Variants in CNTN4 observed in about 807,000 individuals in gnomAD.
CNTN4 encodes the protein contactin 4, also known as contactin-4.
CNTN4 carries 77 observed loss-of-function variants against 122.5 expected under a neutral mutation model. The observed-to-expected ratio is 0.63, with a 90% CI of 0.52 to 0.76. The LOEUF is 0.76. Ranked by LOEUF, CNTN4 falls within the 30% of genes least tolerant of loss-of-function variation. The pLI, the probability that CNTN4 is intolerant of heterozygous loss-of-function variation, is 0.00. For synonymous variants in CNTN4, 512 were observed against 447.0 expected, an observed-to-expected ratio of 1.15 and a Z score of -1.83; for missense variants, 1,256 against 1,259.1, an observed-to-expected ratio of 1.00 and a Z score of 0.04.
chr3:2,438,035 T>A (rs531654434), intron 3 of CNTN4, among the ~76,000 whole-genome samples: 1 of 152,170 alleles, frequency 6.6e-6, no homozygotes, highest in African/African-American at 2.4e-5. Flanking sequence ...CCAGCCAGAG[T>A]GGTTTTGCCT....
At chr3:2,463,023 T>G (rs531738619) in intron 3 of CNTN4, among the ~76,000 whole-genome samples, 2 of 151,932 alleles carry the variant, frequency 1.3e-5, no homozygotes, top group Non-Finnish European at 2.9e-5. Flanking sequence ...CTTACCATAT[T>G]TGAGAACCAT....
At chr3:2,355,002 G>T (rs1249755122) in intron 3 of CNTN4, among the ~76,000 whole-genome samples, 4 of 152,216 alleles carry the variant, frequency 2.6e-5, no homozygotes, top group Non-Finnish European at 1.5e-5. Context: ...TAGCCTCCCA[G>T]TGGATAAGCC....
intron 13 of CNTN4, among the ~76,000 whole-genome samples, chr3:2,940,723 A>C (rs1348205089): frequency 8.9e-6 from 1 of 112,180 alleles, no homozygotes; most frequent in Non-Finnish European, 1.9e-5. Context: ...GTAAAGTCTC[A>C]GAGAAGTTAA....
intron 3 of CNTN4, 144 bp downstream of exon 3, chr3:2,339,377 A>AT (rs1479854210): frequency 6.6e-6 from 1 of 152,154 alleles, no homozygotes; most frequent in African/African-American, 2.4e-5. Context: ...GTTGAAATTA[A>AT]TGAAAGTAGT....
In CNTN4 at chr3:2,698,592, G is replaced by A. The variant is rs111382713; in HGVS notation, c.56-37623G>A. ...CTTTGCCAGTCAGATGTCTACATAT[G>A]TTTCTAAGTCCGTACAGCTAGAAAG... On this transcript the variant is annotated intron_variant, in intron 4 of 24. Transcript: ENST00000418658. Among the ~76,000 whole-genome samples the A allele has an allele frequency of 1.2e-3, 189 of 152,264 alleles. 1 individual carries two copies. The highest frequency in any genetic ancestry group is 4.2e-3 in the African/African-American group (176 of 41,556).
rs768353365 is a variant in CNTN4 at position 3,056,260 on chromosome 3, A to T, written c.*40A>T. 3 of 1,431,394 alleles carry T rather than the reference A, an allele frequency of 2.1e-6. No homozygotes were observed. The South Asian group carries it at 3.4e-5, about 16-fold the overall frequency. 88.7% of individuals were successfully genotyped at this position (1,431,394 alleles called of 1,614,324 possible). A position where few individuals can be genotyped will look rare whatever the true frequency, so the allele number is the denominator to read the frequency against. On this transcript the variant is annotated 3_prime_UTR_variant, in exon 25 of 25. Coordinates refer to ENST00000418658, the MANE Select transcript of CNTN4 (RefSeq NM_175607.3). ...AGGACTTGCTGTTTATAATATAAGC[A>T]ACATTTAGCTAGTTGTTTTGAAGAC...
At chr3:3,018,866 G>A (rs1020683492) in intron 14 of CNTN4, among the ~76,000 whole-genome samples, 1 of 152,096 alleles carries the variant, frequency 6.6e-6, no homozygotes. Context: ...AGGAAAAAAA[G>A]TATAATGTGA....
chr3:2,938,774 T>C (rs142969203), intron 13 of CNTN4, among the ~76,000 whole-genome samples: 1 of 152,314 alleles, frequency 6.6e-6, no homozygotes, highest in African/African-American at 2.4e-5. Context: ...GTTAGAACCA[T>C]GTAAACCCTT....
chr3:2,602,416 T>A (rs1323512344), intron 4 of CNTN4, among the ~76,000 whole-genome samples: 1 of 152,168 alleles, frequency 6.6e-6, no homozygotes, highest in African/African-American at 2.4e-5. Context: ...AACATGAATG[T>A]GCAAAAATCA....
intron 13 of CNTN4, among the ~76,000 whole-genome samples, chr3:2,953,806 G>C (rs551878366): frequency 2.0e-5 from 3 of 152,120 alleles, no homozygotes; most frequent in Non-Finnish European, 2.9e-5. Context: ...TGGATGACAC[G>C]TGTTCTCTGA....
At chr3:2,132,209 A>T (rs2034483729) in intron 2 of CNTN4, among the ~76,000 whole-genome samples, 1 of 152,140 alleles carries the variant, frequency 6.6e-6, no homozygotes, top group South Asian at 2.1e-4. Context: ...CTGCTATTCT[A>T]GCTCTCCCAG....
At chr3:2,560,298 A>T (rs552563157) in intron 3 of CNTN4, among the ~76,000 whole-genome samples, 3 of 151,544 alleles carry the variant, frequency 2.0e-5, no homozygotes, top group Non-Finnish European at 4.4e-5. Context: ...GCACCATCAC[A>T]CCCAGCTAAC....
chr3:2,299,880 C>G lies in CNTN4; in HGVS notation c.-144-39298C>G, dbSNP rs181707078. Among the ~76,000 whole-genome samples, 76 of 152,184 alleles carry G rather than the reference C, an allele frequency of 5.0e-4. 2 individuals are homozygous for G. The East Asian group carries it at 0.013, about 25-fold the overall frequency. ...AGTAAATATGTTTATAAATTTTACT[C>G]AAGTTTAAATATAAATAGCGTTTAC... On this transcript the variant is annotated intron_variant, in intron 2 of 24. Coordinates refer to ENST00000418658, the MANE Select transcript of CNTN4 (RefSeq NM_175607.3).
intron 4 of CNTN4, among the ~76,000 whole-genome samples, chr3:2,635,655 G>A (rs1004288727): frequency 6.6e-6 from 1 of 152,170 alleles, no homozygotes; most frequent in African/African-American, 2.4e-5. Context: ...ATTGCCTATT[G>A]TGGCTTTTTC....
At chr3:2,986,112 G>T (rs2125261250) in intron 13 of CNTN4, among the ~76,000 whole-genome samples, 1 of 151,838 alleles carries the variant, frequency 6.6e-6, no homozygotes, top group South Asian at 2.1e-4. Context: ...ACAGGGTTTT[G>T]CCATGTTGCC....
chr3:2,857,886 A>T (rs1323814447), intron 7 of CNTN4, among the ~76,000 whole-genome samples: 1 of 152,162 alleles, frequency 6.6e-6, no homozygotes, highest in Non-Finnish European at 1.5e-5. Context: ...CCATCAAAAT[A>T]CTCATATTAG....
At chr3:2,229,530 A>G (rs73101925) in intron 2 of CNTN4, among the ~76,000 whole-genome samples, 11,798 of 152,266 alleles carry the variant, frequency 0.077, 795 homozygotes, top group African/African-American at 0.18. Context: ...GAATATTCAT[A>G]TAGTTACGTA....
At chr3:2,968,371 GT>G (rs1249319823) in intron 13 of CNTN4, among the ~76,000 whole-genome samples, 2 of 152,148 alleles carry the variant, frequency 1.3e-5, no homozygotes, top group Non-Finnish European at 2.9e-5. Flanking sequence ...TGTATATAGG[GT>G]ATAGTCCATC....
rs10530575 is a variant in CNTN4, at chr3:2,708,727, TCACACACACACA to T, written c.56-27458_56-27447del. ...GCACGCAGGCACGCGCACGCGCGCATCACACACACACACACACACACACACACACACACACAC... is the reference window on the plus strand; with the variant it reads ...GCACGCAGGCACGCGCACGCGCGCATCACACACACACACACACACACACAC... On this transcript the variant is annotated intron_variant, in intron 4 of 24. Coordinates refer to ENST00000418658, the MANE Select transcript of CNTN4 (RefSeq NM_175607.3). Among the ~76,000 whole-genome samples the T allele has an allele frequency of 3.7e-3, 554 of 151,008 alleles. 3 individuals are homozygous for T. Among genetic ancestry groups the T allele is most frequent in the African/African-American group, 0.013 (516 of 41,202 alleles).
Sources: allele counts gnomAD v4.1 joint callset (sites outside exome capture counted in the v4.1 genomes callset), GRCh38; gene constraint gnomAD v4.1.1; transcripts MANE v1.5; gene names NCBI Gene and HGNC (gene_info 2026-07-23, HGNC 2026-07-21).